Variants in HIP1R observed in about 807,000 individuals in gnomAD.
HIP1R encodes huntingtin-interacting protein 1-related protein.
HIP1R carries 135 observed loss-of-function variants against 144.2 expected under a neutral mutation model. The ratio of observed to expected loss-of-function variants is 0.94; its 90% confidence interval spans 0.81 to 1.08. The LOEUF (loss-of-function observed/expected upper bound fraction) is 1.08. Ranked by LOEUF, HIP1R falls within the 50% of genes least tolerant of loss-of-function variation. The pLI is 0.00. For synonymous variants in HIP1R, 698 were observed against 612.8 expected, an observed-to-expected ratio of 1.14 and a Z score of -2.05; for missense variants, 1,462 against 1,432.8, an observed-to-expected ratio of 1.02 and a Z score of -0.33.
Position 122,861,808 on chromosome 12 carries a change from C to T in HIP1R, c.*55C>T. 6.4e-7 allele frequency: 1 copy of T among 1,553,812 alleles called. No homozygotes were observed. The highest frequency in any genetic ancestry group is 8.9e-7 in the Non-Finnish European group (1 of 1,128,196). On this transcript the variant is annotated 3_prime_UTR_variant, in exon 32 of 32. Transcript: ENST00000253083. ...TGACAGGCCTGGGCCTCTGCAACTG[C>T]CCTGACAGGACCGAGAGGCCTTGCC...
intron 4 of HIP1R, among the ~76,000 whole-genome samples, chr12:122,849,526 C>A (rs961414065): frequency 6.6e-6 from 1 of 152,386 alleles, no homozygotes; most frequent in African/African-American, 2.4e-5. Flanking sequence ...GCTGGCCCGG[C>A]CGCAGGGGCC....
rs1174694301 is a variant in HIP1R, at chr12:122,836,341, CAG to C, written c.93+700_93+701del. On this transcript the variant is annotated intron_variant, in intron 1 of 31. Coordinates refer to ENST00000253083, the MANE Select transcript of HIP1R (RefSeq NM_003959.3). This position sits in a 1 kb window ranked among gnomAD's most constrained non-coding sequence, Gnocchi z 4.1. ...TCATTAAATACCGGCGCCCGACAGACAGAAACTTCCTGGGGCTCCCTTCCTGC... is the reference window on the plus strand; with the variant it reads ...TCATTAAATACCGGCGCCCGACAGACAAACTTCCTGGGGCTCCCTTCCTGC... 1.3e-5 allele frequency among the ~76,000 whole-genome samples: 2 copies of C among 152,152 alleles called. No homozygotes were observed. Among genetic ancestry groups the C allele is most frequent in the Non-Finnish European group, 2.9e-5 (2 of 68,032 alleles).
At chr12:122,845,321 G>A (rs2135640880) in intron 1 of HIP1R, among the ~76,000 whole-genome samples, 2 of 152,376 alleles carry the variant, frequency 1.3e-5, no homozygotes, top group Non-Finnish European at 2.9e-5. Flanking sequence ...CACTGTGCGA[G>A]CACTGTGCCT....
rs1566111506 is a variant in HIP1R, at chr12:122,856,347, A to G, written c.1401+3A>G. 1.2e-6 allele frequency: 2 copies of G among 1,613,704 alleles called. No individual in the cohort carries two copies. Among genetic ancestry groups the G allele is most frequent in the Non-Finnish European group, 8.5e-7 (1 of 1,179,924 alleles). On this transcript the variant is annotated splice_donor_region_variant and intron_variant, in intron 15 of 31. Coordinates refer to ENST00000253083, the MANE Select transcript of HIP1R (RefSeq NM_003959.3). ...TGCACGCGGAGCTGCTCAGAAAGGT[A>G]GGTGCAGCCCATCCTCCATCCCAGC...
chr12:122,849,583 G>A (rs1040493937), intron 4 of HIP1R, among the ~76,000 whole-genome samples: 4 of 152,248 alleles, frequency 2.6e-5, no homozygotes, highest in Non-Finnish European at 5.9e-5. Context: ...GGCGCCCGTC[G>A]GGACGTGCCT....
In HIP1R at chr12:122,861,124, G is replaced by T. The variant is rs1445363465; in HGVS notation, c.2891-7G>T. 6.2e-7 allele frequency: 1 copy of T among 1,613,402 alleles called. No homozygotes were observed. The highest frequency in any genetic ancestry group is 2.2e-5 in the East Asian group (1 of 44,832). On this transcript the variant is annotated splice_region_variant and splice_polypyrimidine_tract_variant and intron_variant, in intron 29 of 31. Transcript: ENST00000253083. ...CAGATGTTCACCCCCTTGTCCTCCG[G>T]CCACAGACACCATGGATTTCTCCGG...
Position 122,861,385 on chromosome 12 carries a change from G to T in HIP1R, c.3030G>T (p.Val1010=). 6.2e-7 allele frequency: 1 copy of T among 1,613,542 alleles called. No homozygotes were observed. The highest frequency in any genetic ancestry group is 8.5e-7 in the Non-Finnish European group (1 of 1,179,912). The change falls in exon 31 of 32, where the codon GTG becomes GTT. Residue 1010 remains valine (V), a synonymous_variant. Transcript: ENST00000253083. ...GGGAGTTGCGGAAGCAACACTACGT[G>T]CTGGCTGGGGCATCAGGCAGCCCTG... ...RLGELRKQHY[V]LAGASGSPGE...
rs770373885 is a variant in HIP1R at position 122,855,976 on chromosome 12, G to A, written c.1129-4G>A. The stretch of plus-strand genomic sequence containing the variant: ...AGGGCCCCACGTCACACCTCCTCCC[G>A]CAGGCCCAGCGGTACATCGCGCAGC... On this transcript the variant is annotated splice_region_variant and splice_polypyrimidine_tract_variant and intron_variant, in intron 13 of 31. Coordinates refer to ENST00000253083, the MANE Select transcript of HIP1R (RefSeq NM_003959.3). The A allele has an allele frequency of 9.5e-6, 15 of 1,581,964 alleles. No individual in the cohort carries two copies. The highest frequency in any genetic ancestry group is 3.5e-5 in the South Asian group (3 of 86,498).
At chr12:122,857,665 T>G in intron 18 of HIP1R, 1 of 286,254 alleles carries the variant, frequency 3.5e-6, no homozygotes, top group South Asian at 5.3e-5. Context: ...CAGACTGTTT[T>G]CCAAAGTGGC....
rs1247058588 is a variant in HIP1R at position 122,851,122 on chromosome 12, T to C, written c.516-114T>C. 5 of 993,754 alleles carry C rather than the reference T, an allele frequency of 5.0e-6. No individual in the cohort carries two copies. The South Asian group carries it at 6.8e-5, about 13-fold the overall frequency. 61.6% of individuals were successfully genotyped at this position (993,754 alleles called of 1,614,324 possible). On this transcript the variant is annotated intron_variant, in intron 6 of 31. Transcript: ENST00000253083. ...GTCGTCCTGGCAGAGGCACGCTGTC[T>C]CACCAGAGCCATGGTGTCGGCGGTG...
In HIP1R at chr12:122,850,993, G is replaced by T. The variant is rs1471145604; in HGVS notation, c.515+82G>T. The stretch of plus-strand genomic sequence containing the variant: ...TACCGCGTCTCACGCCCAGGCGTCC[G>T]CATGGGGCAGTGGGGTTGAATGAGT... On this transcript the variant is annotated intron_variant, in intron 6 of 31. Transcript: ENST00000253083. The T allele has an allele frequency of 1.1e-5, 14 of 1,264,130 alleles. No individual in the cohort carries two copies. In the East Asian group the frequency reaches 3.2e-4, roughly 29 times the overall value. The allele number at this position is 1,264,130 out of a possible 1,614,324, so 78.3% of individuals were successfully genotyped here.
chr12:122,860,366 T>G (rs1457024625), intron 26 of HIP1R, 57 bp from the exon 27 acceptor site: 6 of 1,593,236 alleles, frequency 3.8e-6, no homozygotes, highest in Non-Finnish European at 5.2e-6. Flanking sequence ...GAGGGCCACT[T>G]TCCACCTTTG....
intron 8 of HIP1R, among the ~76,000 whole-genome samples, chr12:122,854,684 G>A (rs1170489529): frequency 3.3e-5 from 5 of 152,338 alleles, no homozygotes; most frequent in East Asian, 1.9e-4. Flanking sequence ...TGGCCGCAGC[G>A]CCTTCCTTTC....
intron 15 of HIP1R, 23 bp downstream of exon 15, chr12:122,856,367 C>T: frequency 6.2e-7 from 1 of 1,613,132 alleles, no homozygotes; most frequent in Non-Finnish European, 8.5e-7. Flanking sequence ...CATCCTCCAT[C>T]CCAGCCGGTG....
chr12:122,854,356 AAAC>A (rs1192839264), intron 8 of HIP1R, among the ~76,000 whole-genome samples, 173 bp downstream of exon 8: 8 of 151,794 alleles, frequency 5.3e-5, no homozygotes, highest in African/African-American at 1.9e-4. Context: ...AAAAAAAAAA[AAAC>A]CCACTACTTT....
intron 11 of HIP1R, 66 bp downstream of exon 11, chr12:122,855,471 C>T (rs980518040): frequency 2.5e-5 from 39 of 1,546,380 alleles, no homozygotes; most frequent in African/African-American, 1.6e-4. Context: ...ACGGGAGTGT[C>T]GGGTGGCCAG....
chr12:122,854,942 G>C lies in HIP1R; in HGVS notation c.756G>C (p.Arg252=), dbSNP rs766521086. 1.9e-6 allele frequency: 3 copies of C among 1,612,352 alleles called. No individual in the cohort carries two copies. Among genetic ancestry groups the C allele is most frequent in the East Asian group, 2.2e-5 (1 of 44,864 alleles). The part of the protein sequence containing the change: ...PADTLQGHRD[R]FHEQFHSLRN... ...ACACCCTGCAAGGCCACAGGGACCG[G>C]TTCCACGAGCAGTTTCACAGGTACT... The change falls in exon 9 of 32, where the codon CGG becomes CGC. Residue 252 remains arginine, a synonymous_variant. Transcript: ENST00000253083.
rs758938997 is a variant in HIP1R, at chr12:122,856,059, A to G, written c.1208A>G (p.Gln403Arg). 10 of 1,593,218 alleles carry G rather than the reference A, an allele frequency of 6.3e-6. No homozygotes were observed. The highest frequency in any genetic ancestry group is 2.3e-5 in the East Asian group (1 of 43,984). Reference protein sequence around the residue: ...GELEEQRKQKQKALVDNEQLR... With the variant: ...GELEEQRKQKRKALVDNEQLR... The stretch of plus-strand genomic sequence containing the variant: ...CTGGAGGAGCAGCGGAAGCAGAAGC[A>G]GAAGGCCCTGGTGGATAATGAGCAG... Residue 403 changes from glutamine (Q) to arginine (R), a missense_variant, in exon 14 of 32, where the codon CAG becomes CGG. Around this residue, in one of 2 missense-constraint regions of HIP1R, gnomAD observed 1,112 missense variants for 1,011.7 expected, o/e 1.10. Coordinates refer to ENST00000253083, the MANE Select transcript of HIP1R (RefSeq NM_003959.3).
chr12:122,842,550 G>A (rs1023141651), intron 1 of HIP1R, among the ~76,000 whole-genome samples: 2 of 152,196 alleles, frequency 1.3e-5, no homozygotes, highest in Non-Finnish European at 2.9e-5. Flanking sequence ...CCCTGTATTC[G>A]GGGGTTGGAG....
Sources: gnomAD v4.1 joint callset for allele counts (sites outside exome capture counted in the v4.1 genomes callset) on GRCh38, gnomAD v4.1.1 for gene constraint, gnomAD v4.1.1 regional missense constraint, Gnocchi (gnomAD v3.1) non-coding constraint, MANE v1.5 for transcripts, NCBI Gene and HGNC (gene_info 2026-07-23, HGNC 2026-07-21) for gene names.